The following RABGAP1L variants were observed in gnomAD, a reference collection of about 807,000 sequenced individuals.
RABGAP1L encodes the protein RAB GTPase activating protein 1 like.
Under a neutral mutation model 137.7 loss-of-function variants are expected in RABGAP1L, and 63 were observed. That is an observed-to-expected ratio of 0.46 (90% CI 0.37 to 0.56). The LOEUF is 0.56. Among genes scored for constraint, RABGAP1L ranks in the 20% least tolerant of loss-of-function variants. The pLI is 0.00. For missense variants in RABGAP1L, 1,095 were observed against 1,244.0 expected (o/e 0.88, Z 1.80); for synonymous variants, 431 against 433.7 (o/e 0.99, Z 0.08).
At chr1:174,841,160 T>C (rs1693353252) in intron 19 of RABGAP1L, among the ~76,000 whole-genome samples, 1 of 152,156 alleles carries the variant, frequency 6.6e-6, no homozygotes, top group Non-Finnish European at 1.5e-5. Context: ...ATGAAGTCAA[T>C]ATTTGAGATT....
chr1:174,777,178 C>G lies in RABGAP1L; in HGVS notation c.2211+24824C>G, dbSNP rs1025843399. Among the ~76,000 whole-genome samples the G allele has an allele frequency of 2.0e-5, 3 of 152,086 alleles. No individual in the cohort carries two copies. In the East Asian group the frequency reaches 5.8e-4, roughly 29 times the overall value. The stretch of plus-strand genomic sequence containing the variant: ...GGTTACCTATCCCAAAATATAATAC[C>G]TTAAATAAGAATTTTTTTTCTTTTT... On this transcript the variant is annotated intron_variant, in intron 18 of 25. Transcript: ENST00000681986.
At chr1:174,284,237 A>G (rs1262578490) in intron 10 of RABGAP1L, among the ~76,000 whole-genome samples, 2 of 152,192 alleles carry the variant, frequency 1.3e-5, no homozygotes, top group African/African-American at 4.8e-5. Flanking sequence ...CCCTTTGATC[A>G]GCATCTCACT....
At chr1:174,390,976 A>G (rs971162778) in intron 12 of RABGAP1L, among the ~76,000 whole-genome samples, 9 of 152,184 alleles carry the variant, frequency 5.9e-5, no homozygotes, top group African/African-American at 1.9e-4. Context: ...AAAGAGAGAT[A>G]ACTTCAAGCC....
chr1:174,472,575 A>T (rs574210287), intron 13 of RABGAP1L, among the ~76,000 whole-genome samples: 2 of 152,342 alleles, frequency 1.3e-5, no homozygotes, highest in South Asian at 2.1e-4. Flanking sequence ...GAAACCAGGC[A>T]CATACTTCCG....
intron 13 of RABGAP1L, among the ~76,000 whole-genome samples, chr1:174,404,589 G>C (rs1336551814): frequency 6.6e-6 from 1 of 152,098 alleles, no homozygotes; most frequent in Non-Finnish European, 1.5e-5. Flanking sequence ...TAGGGTTGAT[G>C]TAATAAGGTT....
At chr1:174,327,460 A>T (rs917400951) in intron 11 of RABGAP1L, among the ~76,000 whole-genome samples, 1 of 152,036 alleles carries the variant, frequency 6.6e-6, no homozygotes, top group African/African-American at 2.4e-5. Flanking sequence ...TGTTTTTTGT[A>T]AGTCTCATGG....
intron 22 of RABGAP1L, among the ~76,000 whole-genome samples, chr1:174,976,600 G>T (rs1464525598): frequency 1.3e-5 from 2 of 152,310 alleles, no homozygotes; most frequent in Admixed American, 6.5e-5. Context: ...GCTGGGAGTT[G>T]CCACACAGCC....
intron 18 of RABGAP1L, chr1:174,799,886 G>T: frequency 1.0e-6 from 1 of 987,520 alleles, no homozygotes; most frequent in Non-Finnish European, 1.2e-6. Context: ...GGCTACTGCT[G>T]CTGCTGTCTT....
chr1:174,294,354 G>A (rs1466678431), intron 10 of RABGAP1L, among the ~76,000 whole-genome samples: 5 of 152,150 alleles, frequency 3.3e-5, no homozygotes, highest in African/African-American at 4.8e-5. Context: ...GTGTGACAAA[G>A]CAAAGAAGGG....
At chr1:174,202,673 ATTTTGGC>A (rs1262821909) in intron 1 of RABGAP1L, among the ~76,000 whole-genome samples, 2 of 151,746 alleles carry the variant, frequency 1.3e-5, no homozygotes, top group Non-Finnish European at 2.9e-5. Context: ...CCATTTGTCA[ATTTTGGC>A]TTTTGTTGCC....
At position 174,167,859 on chromosome 1, in the gene RABGAP1L, G is replaced by A. The variant is rs150323949; in HGVS notation, c.-34+8202G>A. Among the ~76,000 whole-genome samples the A allele has an allele frequency of 2.8e-3, 430 of 152,226 alleles. 4 individuals carry two copies. Among genetic ancestry groups the A allele is most frequent in the African/African-American group, 1.0e-2 (415 of 41,546 alleles). ...AGTGTTTTCTGTGCTTCAAGATGTC[G>A]TAATTGTCATTGTGAGGCCTTTTGC... On this transcript the variant is annotated intron_variant, in intron 1 of 25. Coordinates refer to ENST00000681986, the MANE Select transcript of RABGAP1L (RefSeq NM_001366446.1).
chr1:174,256,432 TGA>T (rs1673129663), intron 7 of RABGAP1L, among the ~76,000 whole-genome samples: 1 of 152,168 alleles, frequency 6.6e-6, no homozygotes, highest in Non-Finnish European at 1.5e-5. Context: ...CTTCCCACTA[TGA>T]TTACTTTTTT....
intron 19 of RABGAP1L, among the ~76,000 whole-genome samples, chr1:174,849,254 A>T (rs1274750613): frequency 6.6e-6 from 1 of 152,094 alleles, no homozygotes; most frequent in Non-Finnish European, 1.5e-5. Flanking sequence ...AAAATGTCAC[A>T]GTCTTAAGAG....
At position 174,296,269 on chromosome 1, in the gene RABGAP1L, T is replaced by C. The variant is rs562865721; in HGVS notation, c.1324-8717T>C. Among the ~76,000 whole-genome samples, 10 of 152,356 alleles carry C rather than the reference T, an allele frequency of 6.6e-5. No individual in the cohort carries two copies. The South Asian group carries it at 2.1e-3, about 32-fold the overall frequency. ...GAGGAATAGTGGGACAGAAGTCAGA[T>C]TGCAGTTGATTTAGCGTTAGTTGAT... On this transcript the variant is annotated intron_variant, in intron 10 of 25. Coordinates refer to ENST00000681986, the MANE Select transcript of RABGAP1L (RefSeq NM_001366446.1).
chr1:174,924,811 A>C (rs1208676353), intron 19 of RABGAP1L, among the ~76,000 whole-genome samples: 1 of 152,156 alleles, frequency 6.6e-6, no homozygotes, highest in Admixed American at 6.6e-5. Flanking sequence ...TTCCCTACTT[A>C]GTAGAGCTTA....
At chr1:174,345,377 G>T (rs909367817) in intron 11 of RABGAP1L, among the ~76,000 whole-genome samples, 6 of 152,144 alleles carry the variant, frequency 3.9e-5, no homozygotes, top group African/African-American at 1.4e-4. Context: ...AGTGCTTTGG[G>T]TAATATGGAC....
chr1:174,976,766 G>A (rs1670678988), intron 22 of RABGAP1L, among the ~76,000 whole-genome samples: 1 of 152,226 alleles, frequency 6.6e-6, no homozygotes, highest in Non-Finnish European at 1.5e-5. Flanking sequence ...CATGGGAGCT[G>A]TAAGGCTAAT....
intron 13 of RABGAP1L, among the ~76,000 whole-genome samples, chr1:174,602,896 A>G (rs1670521534): frequency 6.6e-6 from 1 of 152,116 alleles, no homozygotes; most frequent in Admixed American, 6.5e-5. Context: ...GGTATTTTGA[A>G]TTCTCTTGTC....
In RABGAP1L at chr1:174,161,252, TTA is replaced by T. The variant is rs869212533; in HGVS notation, c.-34+1597_-34+1598del. ...ATTATTATTATTATTATTATTATTA[TTA>T]TTTTTGAGACGAAGTTTCGCTCTTG... On this transcript the variant is annotated intron_variant, in intron 1 of 25. Coordinates refer to ENST00000681986, the MANE Select transcript of RABGAP1L (RefSeq NM_001366446.1). 2.0e-5 allele frequency among the ~76,000 whole-genome samples: 3 copies of T among 149,968 alleles called. No homozygotes were observed. The South Asian group carries it at 6.2e-4, about 31-fold the overall frequency.
Sources: allele counts gnomAD v4.1 joint callset (sites outside exome capture counted in the v4.1 genomes callset), GRCh38; gene constraint gnomAD v4.1.1; transcripts MANE v1.5; gene names NCBI Gene and HGNC (gene_info 2026-07-23, HGNC 2026-07-21).